The following KDM4B variants were observed in gnomAD, a reference collection of about 807,000 sequenced individuals.
KDM4B encodes the protein lysine-specific demethylase 4B.
KDM4B carries 32 observed loss-of-function variants against 125.2 expected under a neutral mutation model. The ratio of observed to expected loss-of-function variants is 0.26; its 90% confidence interval spans 0.19 to 0.34. The LOEUF is 0.34. Ranked by LOEUF, KDM4B falls within the 10% of genes least tolerant of loss-of-function variation. KDM4B has a pLI of 1.00. For missense variants in KDM4B, 1,190 were observed against 1,577.7 expected (o/e 0.75, Z 4.16); for synonymous variants, 721 against 677.9 (o/e 1.06, Z -0.99).
At chr19:5,024,648 TAA>T (rs35726883) in intron 2 of KDM4B, among the ~76,000 whole-genome samples, 5 of 140,726 alleles carry the variant, frequency 3.6e-5, no homozygotes, top group African/African-American at 2.6e-5. Flanking sequence ...ACAGCTGCCC[TAA>T]AAAAAAAAAA....
At position 5,142,315 on chromosome 19, in the gene KDM4B, G is replaced by C. The variant is rs1028454366; in HGVS notation, c.2551-1652G>C. ...TCTTCAAACTGCGGCTCCCAGGAAG[G>C]GAGGTGACGGCCAAGAACGCCTGCC... is the stretch of plus-strand genomic sequence containing the variant. On this transcript the variant is annotated intron_variant, in intron 18 of 22. Transcript: ENST00000159111. The surrounding 1 kb of genome is among the most constrained non-coding windows in gnomAD (Gnocchi z 5.4). 6.6e-6 allele frequency among the ~76,000 whole-genome samples: 1 copy of C among 152,158 alleles called. No homozygotes were observed. The highest frequency in any genetic ancestry group is 2.4e-5 in the African/African-American group (1 of 41,438).
chr19:4,982,966 C>T (rs140986195), intron 1 of KDM4B, among the ~76,000 whole-genome samples: 2 of 151,978 alleles, frequency 1.3e-5, no homozygotes, highest in East Asian at 1.9e-4. Flanking sequence ...AGAACAAGCC[C>T]GTGTGTCTGA....
chr19:5,008,991 G>C (rs1056395016), intron 1 of KDM4B, among the ~76,000 whole-genome samples: 2 of 148,696 alleles, frequency 1.3e-5, no homozygotes, highest in African/African-American at 5.1e-5. Flanking sequence ...TCTCGGCTCA[G>C]GCAGCCTCTG....
chr19:5,036,368 A>T (rs2036626520), intron 3 of KDM4B, among the ~76,000 whole-genome samples: 1 of 152,136 alleles, frequency 6.6e-6, no homozygotes, highest in Non-Finnish European at 1.5e-5. Context: ...AGGGCCCTGG[A>T]GCTGGCGGTG....
At chr19:5,106,376 C>T (rs1225420082) in intron 9 of KDM4B, among the ~76,000 whole-genome samples, 1 of 152,170 alleles carries the variant, frequency 6.6e-6, no homozygotes, top group Non-Finnish European at 1.5e-5. Flanking sequence ...GATGAGCTTG[C>T]CTGGAGTGTG....
chr19:5,079,509 C>T (rs62115602), intron 8 of KDM4B, among the ~76,000 whole-genome samples: 1 of 152,206 alleles, frequency 6.6e-6, no homozygotes, highest in African/African-American at 2.4e-5. Context: ...GCTTGGCTCT[C>T]TGCTGCCATC....
chr19:5,070,775 C>T (rs2037921169), intron 6 of KDM4B: 1 of 465,952 alleles, frequency 2.1e-6, no homozygotes, highest in Non-Finnish European at 3.9e-6. Flanking sequence ...TGTCACAAGC[C>T]ACCGAGCCAT....
intron 6 of KDM4B, 30 bp from the exon 7 acceptor site, chr19:5,070,980 T>C (rs1714496992): frequency 6.2e-7 from 1 of 1,613,342 alleles, no homozygotes; most frequent in Non-Finnish European, 8.5e-7. Flanking sequence ...CCACCGATCT[T>C]GCCTCTGACG....
At chr19:5,060,302 TGTG>T (rs1302130256) in intron 6 of KDM4B, among the ~76,000 whole-genome samples, 7 of 151,446 alleles carry the variant, frequency 4.6e-5, no homozygotes, top group African/African-American at 1.5e-4. Context: ...AGCCGGGTGT[TGTG>T]GTGGGTGCCT....
rs1310939132 is a variant in KDM4B at position 4,969,135 on chromosome 19, A to G, written c.-204A>G. The G allele has an allele frequency of 6.7e-6, 1 of 148,892 alleles. No individual in the cohort carries two copies. Among genetic ancestry groups the G allele is most frequent in the Non-Finnish European group, 1.5e-5 (1 of 66,942 alleles). 9.2% of individuals were successfully genotyped at this position (148,892 alleles called of 1,614,324 possible). A position where few individuals can be genotyped will look rare whatever the true frequency, so the allele number is the denominator to read the frequency against. On this transcript the variant is annotated 5_prime_UTR_variant, in exon 1 of 23. Transcript: ENST00000159111. The stretch of plus-strand genomic sequence containing the variant: ...CGGAGGGCTCGGTCGCCAGCAACCG[A>G]GCGGGGCCCGGCCCGAGCGGGGCCT...
At chr19:5,059,290 G>T (rs1291663502) in intron 6 of KDM4B, among the ~76,000 whole-genome samples, 1 of 152,216 alleles carries the variant, frequency 6.6e-6, no homozygotes. Flanking sequence ...CTCCACACTC[G>T]CCAGCAGCAG....
At chr19:5,023,533 C>T (rs1420747166) in intron 2 of KDM4B, among the ~76,000 whole-genome samples, 1 of 152,106 alleles carries the variant, frequency 6.6e-6, no homozygotes, top group African/African-American at 2.4e-5. Context: ...TGCTGGGAAC[C>T]GTGCTTTGGC....
Position 5,003,164 on chromosome 19 carries a change from G to C in KDM4B, c.-108-13093G>C, listed in dbSNP as rs73540663. Among the ~76,000 whole-genome samples the C allele has an allele frequency of 4.1e-3, 617 of 152,242 alleles. 5 individuals carry two copies. The highest frequency in any genetic ancestry group is 0.014 in the African/African-American group (585 of 41,538). ...ACCTCACTTTATTGTTTTCTGAATG[G>C]CTACCCTGTTGTCCCAGCTCCATTG... On this transcript the variant is annotated intron_variant, in intron 1 of 22. Coordinates refer to ENST00000159111, the MANE Select transcript of KDM4B (RefSeq NM_015015.3).
intron 9 of KDM4B, among the ~76,000 whole-genome samples, chr19:5,089,606 C>G (rs1277313855): frequency 6.6e-6 from 1 of 151,580 alleles, no homozygotes; most frequent in Non-Finnish European, 1.5e-5. Context: ...GAGATTTGCC[C>G]AAGTATTGGT....
At chr19:5,036,674 C>T (rs1167669312) in intron 3 of KDM4B, among the ~76,000 whole-genome samples, 2 of 152,272 alleles carry the variant, frequency 1.3e-5, no homozygotes, top group Admixed American at 6.5e-5. Context: ...CCAGGAGCCC[C>T]GTGTGAGGCA....
chr19:4,973,541 T>G (rs1207320720), intron 1 of KDM4B, among the ~76,000 whole-genome samples: 1 of 151,840 alleles, frequency 6.6e-6, no homozygotes, highest in Non-Finnish European at 1.5e-5. Context: ...ACCACTATAT[T>G]AAAAAAAAGA....
At chr19:5,052,591 C>T (rs2037265099) in intron 6 of KDM4B, among the ~76,000 whole-genome samples, 1 of 152,236 alleles carries the variant, frequency 6.6e-6, no homozygotes, top group Admixed American at 6.5e-5. Flanking sequence ...CACCCGCCTC[C>T]CAGCTCCATC....
rs544404091 is a variant in KDM4B, at chr19:5,098,634, C to T, written c.919-11988C>T. ...CAGAGTCATCTGTTGAGTGCTCATA[C>T]CCCTCCCTAGGGTGATGGTATTAAG... On this transcript the variant is annotated intron_variant, in intron 9 of 22. Coordinates refer to ENST00000159111, the MANE Select transcript of KDM4B (RefSeq NM_015015.3). Among the ~76,000 whole-genome samples the T allele has an allele frequency of 3.3e-5, 5 of 152,252 alleles. No individual in the cohort carries two copies. In the South Asian group the frequency reaches 1.0e-3, roughly 32 times the overall value.
At chr19:4,981,144 AG>A (rs2034627383) in intron 1 of KDM4B, among the ~76,000 whole-genome samples, 1 of 152,100 alleles carries the variant, frequency 6.6e-6, no homozygotes, top group South Asian at 2.1e-4. Flanking sequence ...GGGCCCTGGC[AG>A]GGACCTCTCT....
Sources: allele counts gnomAD v4.1 joint callset (sites outside exome capture counted in the v4.1 genomes callset), GRCh38; gene constraint gnomAD v4.1.1; non-coding constraint Gnocchi (gnomAD v3.1); transcripts MANE v1.5; gene names NCBI Gene and HGNC (gene_info 2026-07-23, HGNC 2026-07-21).